Variants in TMEM131L observed in about 807,000 individuals in gnomAD.
TMEM131L encodes transmembrane 131 like, also known as transmembrane protein 131-like.
Under a neutral mutation model 192.2 loss-of-function variants are expected in TMEM131L, and 54 were observed. The ratio of observed to expected loss-of-function variants is 0.28; its 90% CI spans 0.23 to 0.35. TMEM131L has a LOEUF of 0.35. Among genes scored for constraint, TMEM131L ranks in the 10% least tolerant of loss-of-function variants. The pLI is 1.00. For missense variants in TMEM131L, 1,888 were observed against 1,972.9 expected, an observed-to-expected ratio of 0.96 and a Z score of 0.82; for synonymous variants, 701 against 704.9, an observed-to-expected ratio of 0.99 and a Z score of 0.09.
At chr4:153,620,312 G>C (rs945119958) in intron 26 of TMEM131L, among the ~76,000 whole-genome samples, 9 of 152,202 alleles carry the variant, frequency 5.9e-5, no homozygotes, top group African/African-American at 1.9e-4. Flanking sequence ...GCATTCTATA[G>C]AGATTTGGCT....
chr4:153,521,727 C>T (rs561172302), intron 3 of TMEM131L, among the ~76,000 whole-genome samples: 38 of 152,120 alleles, frequency 2.5e-4, no homozygotes, highest in South Asian at 1.0e-3. Context: ...CTTTTACTTC[C>T]GTCTCTGTGG....
At chr4:153,571,880 C>T (rs1729609090) in intron 7 of TMEM131L, among the ~76,000 whole-genome samples, 1 of 152,106 alleles carries the variant, frequency 6.6e-6, no homozygotes, top group Non-Finnish European at 1.5e-5. Flanking sequence ...AGGAACAATT[C>T]CAGTCTGCTG....
intron 3 of TMEM131L, among the ~76,000 whole-genome samples, chr4:153,542,399 C>T (rs945935207): frequency 2.0e-5 from 3 of 151,828 alleles, no homozygotes; most frequent in Admixed American, 1.3e-4. Context: ...GCAAGGGCCA[C>T]GTTGCAGAGA....
intron 14 of TMEM131L, 143 bp downstream of exon 14, chr4:153,586,522 C>A: frequency 2.0e-6 from 1 of 512,500 alleles, no homozygotes; most frequent in Non-Finnish European, 3.3e-6. Context: ...CCAGGCCAGT[C>A]TTGGATGATA....
chr4:153,536,005 G>A (rs1471255333), intron 3 of TMEM131L, among the ~76,000 whole-genome samples: 2 of 152,200 alleles, frequency 1.3e-5, no homozygotes, highest in Admixed American at 6.5e-5. Context: ...TATTTATTGA[G>A]AGAAGGATTG....
chr4:153,503,818 GTTATGTT>G (rs1392127522), intron 3 of TMEM131L, among the ~76,000 whole-genome samples: 1 of 152,160 alleles, frequency 6.6e-6, no homozygotes. Flanking sequence ...AAAATGTAAG[GTTATGTT>G]TTACAAAACT....
chr4:153,600,253 G>C (rs1042791982), intron 21 of TMEM131L, among the ~76,000 whole-genome samples: 9 of 151,922 alleles, frequency 5.9e-5, no homozygotes, highest in African/African-American at 2.2e-4. Flanking sequence ...TGTAGTCCCA[G>C]TTAGTCAGGA....
chr4:153,562,025 A>G (rs1208794037), intron 7 of TMEM131L, among the ~76,000 whole-genome samples: 1 of 151,204 alleles, frequency 6.6e-6, no homozygotes, highest in Non-Finnish European at 1.5e-5. Flanking sequence ...CTGTGATTTA[A>G]GAAAATAAAT....
At chr4:153,534,063 T>A (rs1736122981) in intron 3 of TMEM131L, among the ~76,000 whole-genome samples, 2 of 152,350 alleles carry the variant, frequency 1.3e-5, no homozygotes, top group Non-Finnish European at 2.9e-5. Context: ...GCCAGCTTTA[T>A]ACTGAGTAAT....
intron 20 of TMEM131L, among the ~76,000 whole-genome samples, chr4:153,597,844 G>T (rs1325914595): frequency 6.6e-6 from 1 of 152,076 alleles, no homozygotes; most frequent in Non-Finnish European, 1.5e-5. Context: ...GAGGTAGGAG[G>T]ATTGCGTGAG....
chr4:153,466,791 C>T (rs1412976626), intron 1 of TMEM131L, among the ~76,000 whole-genome samples: 2 of 152,180 alleles, frequency 1.3e-5, no homozygotes, highest in East Asian at 3.9e-4. Context: ...GTGCGCGGGC[C>T]CCTGCGCCCC....
chr4:153,500,636 T>C (rs1002026481), intron 3 of TMEM131L, among the ~76,000 whole-genome samples: 1 of 152,232 alleles, frequency 6.6e-6, no homozygotes, highest in Non-Finnish European at 1.5e-5. Flanking sequence ...GTCCGTCATC[T>C]TCTTTTTATT....
chr4:153,569,487 A>G (rs191589230), intron 7 of TMEM131L, among the ~76,000 whole-genome samples: 3 of 152,254 alleles, frequency 2.0e-5, no homozygotes, highest in Non-Finnish European at 4.4e-5. Flanking sequence ...TTCAACTGCA[A>G]TATCCGGTAC....
At chr4:153,526,185 A>G (rs1735468993) in intron 3 of TMEM131L, among the ~76,000 whole-genome samples, 1 of 152,116 alleles carries the variant, frequency 6.6e-6, no homozygotes, top group Admixed American at 6.6e-5. Flanking sequence ...ACAGACTCCC[A>G]GGCGATGCGA....
Position 153,581,535 on chromosome 4 carries a change from A to T in TMEM131L, c.867A>T (p.Val289=). The T allele has an allele frequency of 1.3e-6, 2 of 1,581,310 alleles. No homozygotes were observed. The highest frequency in any genetic ancestry group is 2.7e-5 in the African/African-American group (2 of 73,728). The change falls in exon 9 of 35, where the codon GTA becomes GTT. Residue 289 remains valine (V), a synonymous_variant. Coordinates refer to ENST00000409959, the MANE Select transcript of TMEM131L (RefSeq NM_001131007.2). The part of the protein sequence containing the change: ...HLLDHLSIVY[V]ATDESETSDD... ...TAGATCATCTCTCTATTGTTTACGT[A>T]GCTACAGATGAATCTGAGACCTCAG...
At position 153,526,118 on chromosome 4, in the gene TMEM131L, A is replaced by C. The variant is rs948849667; in HGVS notation, c.240-23955A>C. On this transcript the variant is annotated intron_variant, in intron 3 of 34. Transcript: ENST00000409959. ...ATGATCCGCCCACCTCGGTCTCCCA[A>C]AGTACTGGGATTACAGGCGTGAGCC... 2.0e-5 allele frequency among the ~76,000 whole-genome samples: 3 copies of C among 151,990 alleles called. No homozygotes were observed. In the South Asian group the frequency reaches 6.2e-4, roughly 32 times the overall value.
At chr4:153,594,241 A>G (rs58682211) in intron 19 of TMEM131L, among the ~76,000 whole-genome samples, 40,530 of 151,894 alleles carry the variant, frequency 0.27, 5,697 homozygotes, top group Non-Finnish European at 0.33. Flanking sequence ...ACATTAAAAA[A>G]AATCTTCTCT....
Position 153,587,784 on chromosome 4 carries a change from C to CATT in TMEM131L, c.1529_1531dup (p.Tyr510dup). Reference sequence around the variant, plus strand: ...TGAAGTGATAGCACATTGTGGCATGCATTATTTCATGGGAAAATCAAAAGC... The same window carrying CATT: ...TGAAGTGATAGCACATTGTGGCATGCATTATTATTTCATGGGAAAATCAAAAGC... On this transcript the variant is annotated inframe_insertion, in exon 15 of 35. Transcript: ENST00000409959. The CATT allele has an allele frequency of 2.5e-6, 4 of 1,613,340 alleles. No homozygotes were observed. Among genetic ancestry groups the CATT allele is most frequent in the Non-Finnish European group, 3.4e-6 (4 of 1,179,366 alleles).
chr4:153,552,186 C>T (rs1310034758), intron 4 of TMEM131L, among the ~76,000 whole-genome samples: 4 of 151,994 alleles, frequency 2.6e-5, no homozygotes. Flanking sequence ...GAGTTCTAGC[C>T]TGGGCGACAG....
Sources: allele counts gnomAD v4.1 joint callset (sites outside exome capture counted in the v4.1 genomes callset), GRCh38; gene constraint gnomAD v4.1.1; transcripts MANE v1.5; gene names NCBI Gene and HGNC (gene_info 2026-07-23, HGNC 2026-07-21).